GADL1: variants seen among roughly 807,000 people sequenced by gnomAD.
The protein encoded by GADL1 is GAD like acidic amino acid decarboxylase 1.
In GADL1, 71 loss-of-function variants were observed where a neutral mutation model predicts 69.5. The observed-to-expected ratio is 1.02, with a 90% CI of 0.84 to 1.25. The LOEUF is 1.25. Ranked by LOEUF, GADL1 falls within the 50% of genes most tolerant of loss-of-function variation. The pLI is 0.00. For synonymous variants in GADL1, 254 were observed against 214.4 expected (o/e 1.18, Z -1.62); for missense variants, 737 against 631.8 (o/e 1.17, Z -1.79).
chr3:30,763,991 A>G (rs1696206135), intron 14 of GADL1, among the ~76,000 whole-genome samples: 1 of 152,312 alleles, frequency 6.6e-6, no homozygotes, highest in East Asian at 1.9e-4. Context: ...TAAAATACAT[A>G]AAATATTTCT....
chr3:30,887,161 T>TTA (rs1374709023), intron 1 of GADL1, among the ~76,000 whole-genome samples: 1 of 152,122 alleles, frequency 6.6e-6, no homozygotes, highest in Non-Finnish European at 1.5e-5. Flanking sequence ...AGCTGTTACT[T>TTA]AATAGAGTAC....
intron 14 of GADL1, among the ~76,000 whole-genome samples, chr3:30,777,017 CA>C (rs1696556090): frequency 1.3e-5 from 2 of 152,304 alleles, no homozygotes; most frequent in South Asian, 4.1e-4. Flanking sequence ...ACTTTCACTG[CA>C]AACAGTTAAT....
intron 14 of GADL1, among the ~76,000 whole-genome samples, chr3:30,766,103 T>TTA (rs1393776332): frequency 3.9e-5 from 6 of 152,084 alleles, no homozygotes. Context: ...TGGTTAAAAG[T>TTA]TATAAATGGC....
At chr3:30,753,476 T>C (rs1695884762) in intron 14 of GADL1, among the ~76,000 whole-genome samples, 1 of 149,042 alleles carries the variant, frequency 6.7e-6, no homozygotes, top group Non-Finnish European at 1.5e-5. Context: ...GTTTTTTCAA[T>C]CCTAAAAAAC....
At chr3:30,835,840 A>G (rs1697864144) in intron 9 of GADL1, among the ~76,000 whole-genome samples, 2 of 152,066 alleles carry the variant, frequency 1.3e-5, no homozygotes, top group South Asian at 4.1e-4. Flanking sequence ...TGGCATTATC[A>G]GTCAAATTCC....
chr3:30,866,351 T>TGG (rs1260134951), intron 1 of GADL1, among the ~76,000 whole-genome samples: 1 of 151,882 alleles, frequency 6.6e-6, no homozygotes, highest in African/African-American at 2.4e-5. Context: ...CCCAGCTACT[T>TGG]GGGAGGCTAA....
intron 8 of GADL1, among the ~76,000 whole-genome samples, chr3:30,842,484 T>A (rs377422980): frequency 1.2e-4 from 18 of 152,180 alleles, no homozygotes; most frequent in African/African-American, 4.1e-4. Flanking sequence ...TTTTGGTTTT[T>A]TAGGAAACAT....
chr3:30,738,093 T>C (rs1695563732), intron 14 of GADL1, among the ~76,000 whole-genome samples: 1 of 152,188 alleles, frequency 6.6e-6, no homozygotes, highest in Non-Finnish European at 1.5e-5. Context: ...AAGCAAAAGC[T>C]TAATACCCAG....
intron 1 of GADL1, among the ~76,000 whole-genome samples, chr3:30,867,563 G>A (rs183500103): frequency 1.2e-3 from 182 of 151,768 alleles, no homozygotes; most frequent in Admixed American, 3.3e-3. Flanking sequence ...CAGTTTTTCA[G>A]ATGAGAAAAC....
In GADL1 at chr3:30,844,770, C is replaced by T. The variant is rs562040141; in HGVS notation, c.652-304G>A. ...GGGATCATGCCAATAATGCCTACTC[C>T]ATCTGCTCGTGCTAGACAAAAATGG... On this transcript the variant is annotated intron_variant, in intron 6 of 14. Transcript: ENST00000282538. Among the ~76,000 whole-genome samples, 162 of 152,204 alleles carry T rather than the reference C, an allele frequency of 1.1e-3. 1 individual carries two copies. The highest frequency in any genetic ancestry group is 3.9e-3 in the African/African-American group (160 of 41,534).
chr3:30,765,144 A>G (rs1331956594), intron 14 of GADL1, among the ~76,000 whole-genome samples: 2 of 152,174 alleles, frequency 1.3e-5, no homozygotes, highest in Admixed American at 1.3e-4. Context: ...CTCAAAGGCA[A>G]CATTAGAAGA....
intron 14 of GADL1, among the ~76,000 whole-genome samples, chr3:30,763,362 G>A (rs563748100): frequency 2.6e-4 from 40 of 152,094 alleles, no homozygotes; most frequent in African/African-American, 9.6e-4. Context: ...AATTAACCAA[G>A]TATAGTGGCC....
intron 14 of GADL1, among the ~76,000 whole-genome samples, chr3:30,751,259 T>C (rs1272680670): frequency 6.6e-6 from 1 of 152,042 alleles, no homozygotes; most frequent in African/African-American, 2.4e-5. Context: ...ATTGGAGGCC[T>C]CTAAAGGGCA....
At chr3:30,763,688 A>G (rs1270353163) in intron 14 of GADL1, among the ~76,000 whole-genome samples, 1 of 152,184 alleles carries the variant, frequency 6.6e-6, no homozygotes, top group Non-Finnish European at 1.5e-5. Context: ...ATTGAATACC[A>G]TACGTTACAT....
At chr3:30,756,855 G>C (rs150174846) in intron 14 of GADL1, among the ~76,000 whole-genome samples, 1 of 151,332 alleles carries the variant, frequency 6.6e-6, no homozygotes, top group South Asian at 2.1e-4. Context: ...AGATTCATTA[G>C]GAAAGATAGG....
chr3:30,771,079 C>A (rs1696410120), intron 14 of GADL1, among the ~76,000 whole-genome samples: 2 of 152,170 alleles, frequency 1.3e-5, no homozygotes, highest in Admixed American at 6.5e-5. Context: ...TTTATTGGAA[C>A]TTTTTGTTGG....
At chr3:30,820,065 AAC>A (rs1245199449) in intron 11 of GADL1, among the ~76,000 whole-genome samples, 1 of 151,932 alleles carries the variant, frequency 6.6e-6, no homozygotes. Context: ...CCAAGATAAA[AAC>A]ACAAAGAATA....
rs780488207 is a variant in GADL1, at chr3:30,857,118, T to C, written c.234A>G (p.Glu78=). 1 of 1,550,180 alleles carries C rather than the reference T, an allele frequency of 6.5e-7. No homozygotes were observed. The highest frequency in any genetic ancestry group is 1.4e-5 in the African/African-American group (1 of 72,948). ...CCAAATCAAGAAGCTGTTTCAGTTGTTCAGGAGGCCTCCATTCACACACCT... is the reference window on the plus strand; with the variant it reads ...CCAAATCAAGAAGCTGTTTCAGTTGCTCAGGAGGCCTCCATTCACACACCT... ...NEKVCEWRPP[E]QLKQLLDLEM... Residue 78 remains glutamate (E), a synonymous_variant, in exon 3 of 15, where the codon GAA becomes GAG. Coordinates refer to ENST00000282538, the MANE Select transcript of GADL1 (RefSeq NM_207359.3).
intron 1 of GADL1, among the ~76,000 whole-genome samples, chr3:30,879,229 T>C (rs962731697): frequency 6.6e-6 from 1 of 151,958 alleles, no homozygotes; most frequent in African/African-American, 2.4e-5. Context: ...AATGAGGTGG[T>C]CTCACTTTAG....
Sources: gnomAD v4.1 joint callset for allele counts (sites outside exome capture counted in the v4.1 genomes callset) on GRCh38, gnomAD v4.1.1 for gene constraint, MANE v1.5 for transcripts, NCBI Gene and HGNC (gene_info 2026-07-23, HGNC 2026-07-21) for gene names.